Variants in PRKG1 observed in about 807,000 individuals in gnomAD.
PRKG1 encodes protein kinase cGMP-dependent 1.
A neutral mutation model predicts 88.1 loss-of-function variants in PRKG1; 35 were observed. That is an observed-to-expected ratio of 0.40 (90% CI 0.30 to 0.53). The LOEUF (loss-of-function observed/expected upper bound fraction) is 0.53, where lower values mean the gene tolerates loss of function less well. PRKG1 is among the 20% of genes least tolerant of loss of function. The pLI is 0.59. For synonymous variants in PRKG1, 303 were observed against 292.5 expected (o/e 1.04, Z -0.37); for missense variants, 540 against 839.8 (o/e 0.64, Z 4.41).
At chr10:51,162,916 A>G (rs910951531) in intron 2 of PRKG1, among the ~76,000 whole-genome samples, 1 of 152,074 alleles carries the variant, frequency 6.6e-6, no homozygotes, top group Non-Finnish European at 1.5e-5. Context: ...ATGGGCTCTC[A>G]CTATGTTACC....
chr10:51,770,083 G>C (rs975934982), intron 3 of PRKG1, among the ~76,000 whole-genome samples: 21 of 152,074 alleles, frequency 1.4e-4, no homozygotes, highest in African/African-American at 4.6e-4. Flanking sequence ...CCTCAAACTG[G>C]ATGTACAAAT....
intron 2 of PRKG1, among the ~76,000 whole-genome samples, chr10:51,414,043 C>T (rs1838173094): frequency 6.6e-6 from 1 of 152,166 alleles, no homozygotes; most frequent in African/African-American, 2.4e-5. Flanking sequence ...GTAACTTGAA[C>T]TTTCTGAGCC....
intron 5 of PRKG1, among the ~76,000 whole-genome samples, chr10:51,932,260 T>C (rs1842710102): frequency 6.6e-6 from 1 of 151,916 alleles, no homozygotes; most frequent in Admixed American, 6.6e-5. Context: ...ATTTCCATAG[T>C]TCCAAAAATG....
intron 3 of PRKG1, among the ~76,000 whole-genome samples, chr10:51,693,447 G>A (rs1449140376): frequency 6.6e-6 from 1 of 151,670 alleles, no homozygotes; most frequent in African/African-American, 2.4e-5. Context: ...TGTTGCCCAG[G>A]CTGGAGTGTA....
intron 1 of PRKG1, among the ~76,000 whole-genome samples, chr10:51,078,851 C>G (rs1844035942): frequency 6.6e-6 from 1 of 151,986 alleles, no homozygotes; most frequent in Admixed American, 6.6e-5. Context: ...CTCCTGACCT[C>G]ATGATCCGCC....
chr10:51,651,461 T>C (rs1840036911), intron 3 of PRKG1, among the ~76,000 whole-genome samples: 1 of 152,016 alleles, frequency 6.6e-6, no homozygotes, highest in African/African-American at 2.4e-5. Flanking sequence ...CTCTAGGAAG[T>C]CTCCTTTGAT....
intron 2 of PRKG1, among the ~76,000 whole-genome samples, chr10:51,236,648 G>A (rs1288906379): frequency 4.0e-5 from 6 of 151,842 alleles, no homozygotes; most frequent in African/African-American, 1.2e-4. Context: ...GACTACAGGT[G>A]TGCGCCACCA....
chr10:51,978,536 G>A (rs2454561), intron 5 of PRKG1, among the ~76,000 whole-genome samples: 71,295 of 150,524 alleles, frequency 0.47, 17,147 homozygotes, highest in Admixed American at 0.57. Flanking sequence ...CATTGAATCT[G>A]TAAATTGCTT....
At chr10:52,063,461 C>T (rs1004930512) in intron 7 of PRKG1, among the ~76,000 whole-genome samples, 1 of 152,244 alleles carries the variant, frequency 6.6e-6, no homozygotes, top group Admixed American at 6.5e-5. Flanking sequence ...CTGGGCCCCC[C>T]AAAGGGCTGC....
chr10:51,957,067 C>CCT (rs747117012), intron 5 of PRKG1, among the ~76,000 whole-genome samples: 67 of 148,368 alleles, frequency 4.5e-4, no homozygotes, highest in Middle Eastern at 3.5e-3. Context: ...CTCCCCATCT[C>CCT]CTCTCTCTCT....
At chr10:51,998,441 T>A (rs1844509228) in intron 5 of PRKG1, among the ~76,000 whole-genome samples, 1 of 152,120 alleles carries the variant, frequency 6.6e-6, no homozygotes, top group African/African-American at 2.4e-5. Flanking sequence ...CTATGGTCAC[T>A]TTTTTTGGTC....
intron 3 of PRKG1, among the ~76,000 whole-genome samples, chr10:51,694,368 C>G (rs917113237): frequency 1.3e-5 from 2 of 152,158 alleles, no homozygotes; most frequent in Non-Finnish European, 2.9e-5. Context: ...GGTTTTCTTT[C>G]TTAAATGTTT....
intron 3 of PRKG1, among the ~76,000 whole-genome samples, chr10:51,757,054 T>A (rs532257342): frequency 6.6e-6 from 1 of 151,530 alleles, no homozygotes; most frequent in Non-Finnish European, 1.5e-5. Flanking sequence ...CTTCATTTTA[T>A]TTTATTTTTT....
At chr10:51,292,028 C>T (rs1332007103) in intron 2 of PRKG1, among the ~76,000 whole-genome samples, 1 of 152,122 alleles carries the variant, frequency 6.6e-6, no homozygotes, top group African/African-American at 2.4e-5. Context: ...TAGAGTCGAT[C>T]TCTTTTTTTA....
chr10:51,594,812 C>G (rs1421524502), intron 3 of PRKG1, among the ~76,000 whole-genome samples: 1 of 152,142 alleles, frequency 6.6e-6, no homozygotes, highest in East Asian at 1.9e-4. Context: ...TATTTGATCA[C>G]TTGAATTAGC....
At chr10:51,899,672 T>C (rs1252146013) in intron 4 of PRKG1, among the ~76,000 whole-genome samples, 2 of 17,772 alleles carry the variant, frequency 1.1e-4, no homozygotes. Context: ...AAGAAAAATG[T>C]ATATATATAT....
chr10:51,709,308 A>G (rs1001719645), intron 3 of PRKG1, among the ~76,000 whole-genome samples: 1 of 152,244 alleles, frequency 6.6e-6, no homozygotes, highest in African/African-American at 2.4e-5. Context: ...CATCCTTCAT[A>G]TAAAAATATT....
chr10:51,717,803 G>A (rs1228314210), intron 3 of PRKG1, among the ~76,000 whole-genome samples: 1 of 150,234 alleles, frequency 6.7e-6, no homozygotes, highest in East Asian at 2.0e-4. Flanking sequence ...CTGCACTCCA[G>A]CCTGGGCGAC....
intron 3 of PRKG1, chr10:51,698,776 G>A (rs777137448): frequency 2.5e-6 from 4 of 1,614,186 alleles, no homozygotes; most frequent in Non-Finnish European, 3.4e-6. Context: ...TTCCACCCTG[G>A]ATAGGAGTCT....
Sources: allele counts gnomAD v4.1 joint callset (sites outside exome capture counted in the v4.1 genomes callset), GRCh38; gene constraint gnomAD v4.1.1; transcripts MANE v1.5; gene names NCBI Gene and HGNC (gene_info 2026-07-23, HGNC 2026-07-21).